CALN1: variants seen among roughly 807,000 people sequenced by gnomAD.
CALN1 encodes the protein calcium-binding protein 8.
In CALN1, 17 loss-of-function variants were observed where a neutral mutation model predicts 30.6. The ratio of observed to expected loss-of-function variants is 0.56; its 90% confidence interval spans 0.38 to 0.83. CALN1 has a LOEUF of 0.83. Ranked by LOEUF, CALN1 falls within the 40% of genes least tolerant of loss-of-function variation. The pLI, the probability that CALN1 is intolerant of heterozygous loss-of-function variation, is 0.00. For synonymous variants in CALN1, 156 were observed against 131.4 expected (o/e 1.19, Z -1.28); for missense variants, 291 against 354.9 (o/e 0.82, Z 1.45).
At chr7:71,845,178 C>T (rs1790158457) in intron 5 of CALN1, among the ~76,000 whole-genome samples, 2 of 152,210 alleles carry the variant, frequency 1.3e-5, no homozygotes, top group Admixed American at 6.5e-5. Flanking sequence ...GCCACTGCAC[C>T]TGGCAGAATG....
intron 5 of CALN1, among the ~76,000 whole-genome samples, chr7:71,894,215 G>A (rs143909595): frequency 1.3e-5 from 2 of 152,158 alleles, no homozygotes; most frequent in African/African-American, 4.8e-5. Flanking sequence ...CTATTATACT[G>A]TTGATTTCAC....
At chr7:72,151,640 C>T (rs1205289617) in intron 3 of CALN1, among the ~76,000 whole-genome samples, 4 of 152,136 alleles carry the variant, frequency 2.6e-5, no homozygotes, top group Non-Finnish European at 5.9e-5. Flanking sequence ...AGCCAGGGAA[C>T]GTTCTGAATG....
chr7:72,343,761 G>A (rs967233182), intron 2 of CALN1, among the ~76,000 whole-genome samples: 2 of 152,184 alleles, frequency 1.3e-5, no homozygotes, highest in Non-Finnish European at 2.9e-5. Context: ...AGGGTTTGCT[G>A]AGTTAGAAAG....
intron 5 of CALN1, among the ~76,000 whole-genome samples, chr7:71,976,928 G>A (rs919610054): frequency 6.6e-6 from 1 of 152,050 alleles, no homozygotes; most frequent in Non-Finnish European, 1.5e-5. Flanking sequence ...AGATAACTGC[G>A]CATGCCCAAG....
intron 5 of CALN1, among the ~76,000 whole-genome samples, chr7:71,828,368 A>G (rs1181818161): frequency 5.9e-5 from 9 of 152,130 alleles, no homozygotes; most frequent in Non-Finnish European, 8.8e-5. Flanking sequence ...GAACCTATAA[A>G]TGGGTTACCT....
intron 3 of CALN1, among the ~76,000 whole-genome samples, chr7:72,122,314 A>G (rs1411042283): frequency 6.6e-6 from 1 of 152,186 alleles, no homozygotes; most frequent in Non-Finnish European, 1.5e-5. Flanking sequence ...TAGCATAGAT[A>G]TGCAGGCCAG....
At chr7:72,337,947 G>T (rs898943951) in intron 2 of CALN1, among the ~76,000 whole-genome samples, 1 of 152,192 alleles carries the variant, frequency 6.6e-6, no homozygotes, top group Non-Finnish European at 1.5e-5. Context: ...CTGAGTCTAC[G>T]CCCAGACAGA....
At chr7:72,163,756 C>T (rs914138961) in intron 3 of CALN1, among the ~76,000 whole-genome samples, 7 of 152,010 alleles carry the variant, frequency 4.6e-5, no homozygotes, top group African/African-American at 1.4e-4. Context: ...GAAAAAGATA[C>T]AGAAACATAT....
At chr7:72,158,216 G>A (rs1787850256) in intron 3 of CALN1, among the ~76,000 whole-genome samples, 1 of 152,168 alleles carries the variant, frequency 6.6e-6, no homozygotes, top group Non-Finnish European at 1.5e-5. Context: ...ATTATCATGA[G>A]AGATGCTGAC....
At chr7:72,159,712 G>A (rs1205911878) in intron 3 of CALN1, among the ~76,000 whole-genome samples, 1 of 151,394 alleles carries the variant, frequency 6.6e-6, no homozygotes, top group Admixed American at 6.6e-5. Context: ...GCAGGAGGAT[G>A]GCTTGAACCT....
chr7:71,823,358 A>G (rs1225987237), intron 5 of CALN1, among the ~76,000 whole-genome samples: 3 of 152,090 alleles, frequency 2.0e-5, no homozygotes, highest in Admixed American at 1.3e-4. Context: ...TTTTGTAGAG[A>G]CGGGATGTGT....
At chr7:72,103,750 G>C (rs552679863) in intron 4 of CALN1, among the ~76,000 whole-genome samples, 8 of 151,980 alleles carry the variant, frequency 5.3e-5, no homozygotes, top group Admixed American at 1.3e-4. Context: ...CTTTGGAGAA[G>C]ATGGAAATGG....
At chr7:72,487,703 A>AAAGAAAG in the CALN1 span, among the ~76,000 whole-genome samples, 3 of 95,438 alleles carry the variant, frequency 3.1e-5, no homozygotes, top group African/African-American at 1.8e-4. Context: ...AGAAAGAAAG[A>AAAGAAAG]AAAGAAAAGA....
At chr7:72,148,702 C>T (rs1389464227) in intron 3 of CALN1, among the ~76,000 whole-genome samples, 2 of 151,760 alleles carry the variant, frequency 1.3e-5, no homozygotes, top group African/African-American at 2.4e-5. Flanking sequence ...GTCAGGTGTT[C>T]GAGACTAGCC....
At chr7:72,284,332 T>C (rs1281831287) in intron 2 of CALN1, among the ~76,000 whole-genome samples, 1 of 152,204 alleles carries the variant, frequency 6.6e-6, no homozygotes, top group Non-Finnish European at 1.5e-5. Context: ...AAGAGCCTCA[T>C]TCACATTAAC....
intron 4 of CALN1, among the ~76,000 whole-genome samples, chr7:72,080,721 C>A (rs572457461): frequency 6.6e-6 from 1 of 152,100 alleles, no homozygotes; most frequent in Admixed American, 6.6e-5. Context: ...GAAGGCACCA[C>A]GCACCCTGTA....
rs202247552 is a variant in CALN1, at chr7:72,437,657, CT to C, written c.-226+9384del. 9.4e-5 allele frequency among the ~76,000 whole-genome samples: 13 copies of C among 137,698 alleles called. No individual in the cohort carries two copies. The East Asian group carries it at 1.2e-3, about 13-fold the overall frequency. 90.3% of individuals were successfully genotyped at this position (137,698 alleles called of 152,430 possible). A position where few individuals can be genotyped will look rare whatever the true frequency, so the allele number is the denominator to read the frequency against. On this transcript the variant is annotated intron_variant, in intron 1 of 6. Transcript: ENST00000395276. ...TTTCTTTCTCTTTCTCTCTTTCTTT[CT>C]TTTCTTTCTTTCTTTCCTTTTTTCT...
chr7:72,122,981 C>T (rs1808496190), intron 3 of CALN1, among the ~76,000 whole-genome samples: 1 of 152,258 alleles, frequency 6.6e-6, no homozygotes, highest in African/African-American at 2.4e-5. Context: ...ATAGAGACCA[C>T]GGCAATGGGA....
At chr7:72,212,179 C>T (rs1392483574) in intron 3 of CALN1, among the ~76,000 whole-genome samples, 2 of 151,834 alleles carry the variant, frequency 1.3e-5, no homozygotes, top group African/African-American at 4.8e-5. Flanking sequence ...TGAAACCCAT[C>T]GCTACTAAAA....
Sources: gnomAD v4.1 joint callset for allele counts (sites outside exome capture counted in the v4.1 genomes callset) on GRCh38, gnomAD v4.1.1 for gene constraint, MANE v1.5 for transcripts, NCBI Gene and HGNC (gene_info 2026-07-23, HGNC 2026-07-21) for gene names.